DPP6: variants seen among roughly 807,000 people sequenced by gnomAD.
The protein encoded by DPP6 is dipeptidyl peptidase like 6.
Under a neutral mutation model 122.6 loss-of-function variants are expected in DPP6, and 69 were observed. That is an observed-to-expected ratio of 0.56 (90% confidence interval 0.46 to 0.69). The LOEUF (loss-of-function observed/expected upper bound fraction) is 0.69. Among genes scored for constraint, DPP6 ranks in the 30% least tolerant of loss-of-function variants. DPP6 has a pLI of 0.00. For missense variants in DPP6, 928 were observed against 1,116.9 expected, an observed-to-expected ratio of 0.83 and a Z score of 2.41; for synonymous variants, 418 against 433.1, an observed-to-expected ratio of 0.97 and a Z score of 0.43.
chr7:154,573,794 C>G (rs974623843), intron 5 of DPP6, among the ~76,000 whole-genome samples: 1 of 152,194 alleles, frequency 6.6e-6, no homozygotes, highest in Non-Finnish European at 1.5e-5. Context: ...CATATATCCA[C>G]GTTCTTGGGA....
intron 1 of DPP6, among the ~76,000 whole-genome samples, chr7:153,907,789 G>T (rs1467864677): frequency 6.6e-6 from 1 of 152,200 alleles, no homozygotes. Context: ...GGACTTGCCA[G>T]CTCCTATAAT....
chr7:154,101,699 G>A (rs540415782), intron 1 of DPP6, among the ~76,000 whole-genome samples: 86 of 151,802 alleles, frequency 5.7e-4, no homozygotes, highest in African/African-American at 1.7e-3. Flanking sequence ...AGGCTGAGGC[G>A]GGCGGATCAC....
chr7:153,980,411 A>T (rs1453803444), intron 1 of DPP6, among the ~76,000 whole-genome samples: 1 of 151,228 alleles, frequency 6.6e-6, no homozygotes, highest in Non-Finnish European at 1.5e-5. Context: ...ATCATTTTCT[A>T]TTGTGTCTAT....
intron 3 of DPP6, among the ~76,000 whole-genome samples, chr7:154,488,588 C>T (rs1333231082): frequency 1.3e-5 from 2 of 151,790 alleles, no homozygotes; most frequent in African/African-American, 4.8e-5. Flanking sequence ...TGTTCTCCAT[C>T]GTAAGTTTGA....
chr7:153,781,977 TACACACAC>T, the DPP6 span, among the ~76,000 whole-genome samples: 1,311 of 89,802 alleles, frequency 0.015, 120 homozygotes, highest in African/African-American at 0.051. Context: ...CCCCAGAGAA[TACACACAC>T]ACACACACAC....
chr7:154,716,140 C>T (rs991431814), intron 7 of DPP6, among the ~76,000 whole-genome samples: 2 of 152,146 alleles, frequency 1.3e-5, no homozygotes, highest in African/African-American at 4.8e-5. Flanking sequence ...AGACTTCTGC[C>T]TCCCATCTCC....
chr7:154,575,156 CTGTGTGTATGTGTGTGGGGGGGTATA>C (rs1831480121), intron 5 of DPP6, among the ~76,000 whole-genome samples: 983 of 61,224 alleles, frequency 0.016, 12 homozygotes, highest in African/African-American at 0.056. Context: ...TGTGTGTGGT[CTGTGTGTATGTGTGTGGGGGGGTATA>C]TGTGTGTGGT....
chr7:154,107,475 G>A (rs1806250503), intron 1 of DPP6, among the ~76,000 whole-genome samples: 1 of 152,046 alleles, frequency 6.6e-6, no homozygotes, highest in African/African-American at 2.4e-5. Flanking sequence ...TTGGACAGGA[G>A]GCATAAGTTT....
intron 1 of DPP6, among the ~76,000 whole-genome samples, chr7:153,986,585 C>G (rs1196409804): frequency 3.3e-5 from 5 of 152,130 alleles, no homozygotes; most frequent in Admixed American, 3.3e-4. Flanking sequence ...CATGAAAATC[C>G]TGCTGGGATT....
chr7:153,986,690 G>A (rs761182447), intron 1 of DPP6, among the ~76,000 whole-genome samples: 19 of 152,234 alleles, frequency 1.2e-4, no homozygotes, highest in African/African-American at 2.6e-4. Flanking sequence ...TTGGAATTCC[G>A]CAAGTGCTTC....
intron 1 of DPP6, among the ~76,000 whole-genome samples, chr7:154,134,265 G>A (rs34252871): frequency 1.3e-5 from 2 of 152,170 alleles, no homozygotes. Context: ...AAACACCAGG[G>A]TGAGGAATTG....
chr7:154,101,348 C>T (rs59442707), intron 1 of DPP6, among the ~76,000 whole-genome samples: 20,384 of 145,046 alleles, frequency 0.14, 2,227 homozygotes, highest in African/African-American at 0.29. Flanking sequence ...CAGTAAATAT[C>T]TGTGATTTCA....
Position 154,889,664 on chromosome 7 carries a change from C to T in DPP6, c.2451+134C>T, listed in dbSNP as rs1455649889. The T allele has an allele frequency of 3.5e-5, 49 of 1,413,706 alleles. 1 individual carries two copies. The South Asian group carries it at 5.4e-4, about 15-fold the overall frequency. The allele number at this position is 1,413,706 out of a possible 1,614,324, so 87.6% of individuals were successfully genotyped here. On this transcript the variant is annotated intron_variant, in intron 25 of 25. Transcript: ENST00000377770. ...TGTGGTGGTCGGTGATGAGCAAGGT[C>T]CCAGCAGGTTGGAAAATCAGCACAT...
At chr7:154,071,775 A>G (rs957648933) in intron 1 of DPP6, among the ~76,000 whole-genome samples, 14 of 152,184 alleles carry the variant, frequency 9.2e-5, no homozygotes, top group African/African-American at 3.1e-4. Context: ...ATGTTCTAGG[A>G]TGTCTTCAAA....
rs183541714 is a variant in DPP6, at chr7:154,296,172, G to A, written c.244-150042G>A. ...TGTTAGCCAGGATGGTCTCAATCTC[G>A]TGACCTTGTGATCCGCCTGCCTCGG... On this transcript the variant is annotated intron_variant, in intron 1 of 25. Coordinates refer to ENST00000377770, the MANE Select transcript of DPP6 (RefSeq NM_130797.4). 2.1e-3 allele frequency among the ~76,000 whole-genome samples: 315 copies of A among 151,984 alleles called. 3 individuals carry two copies. The highest frequency in any genetic ancestry group is 7.2e-3 in the African/African-American group (297 of 41,452).
At chr7:154,271,768 A>G (rs1803810846) in intron 1 of DPP6, among the ~76,000 whole-genome samples, 1 of 152,198 alleles carries the variant, frequency 6.6e-6, no homozygotes, top group Non-Finnish European at 1.5e-5. Flanking sequence ...CAGGGACACA[A>G]ACATTCTTGT....
chr7:154,765,783 AG>A (rs1795858284), intron 8 of DPP6, among the ~76,000 whole-genome samples: 1 of 152,192 alleles, frequency 6.6e-6, no homozygotes, highest in African/African-American at 2.4e-5. Flanking sequence ...TGTATTCTCT[AG>A]TTTTCCCAAG....
intron 16 of DPP6, among the ~76,000 whole-genome samples, chr7:154,839,870 G>A (rs1007471227): frequency 6.6e-6 from 1 of 151,910 alleles, no homozygotes; most frequent in Non-Finnish European, 1.5e-5. Context: ...TCTGGACAGT[G>A]GAAATAACTG....
chr7:154,150,005 T>A (rs1197216328), intron 1 of DPP6, among the ~76,000 whole-genome samples: 6 of 152,288 alleles, frequency 3.9e-5, no homozygotes, highest in Non-Finnish European at 7.3e-5. Flanking sequence ...GTTGTAATGA[T>A]TAGCAAGCAG....
Sources: allele counts gnomAD v4.1 joint callset (sites outside exome capture counted in the v4.1 genomes callset), GRCh38; gene constraint gnomAD v4.1.1; transcripts MANE v1.5; gene names NCBI Gene and HGNC (gene_info 2026-07-23, HGNC 2026-07-21).